The following AMPH variants were observed in gnomAD, a reference collection of about 807,000 sequenced individuals.
AMPH encodes the protein amphiphysin, also known as amphiphysin (Stiff-Mann syndrome with breast cancer 128kD autoantigen).
A neutral mutation model predicts 99.1 loss-of-function variants in AMPH; 49 were observed. The observed-to-expected ratio is 0.49, with a 90% CI of 0.39 to 0.63. AMPH has a LOEUF of 0.63. Ranked by LOEUF, AMPH falls within the 20% of genes least tolerant of loss-of-function variation. AMPH has a pLI of 0.00. For synonymous variants in AMPH, 314 were observed against 317.3 expected, an observed-to-expected ratio of 0.99 and a Z score of 0.11; for missense variants, 759 against 863.4, an observed-to-expected ratio of 0.88 and a Z score of 1.52.
chr7:38,617,029 A>G (rs1793896861), intron 1 of AMPH, among the ~76,000 whole-genome samples: 1 of 152,266 alleles, frequency 6.6e-6, no homozygotes, highest in Admixed American at 6.5e-5. Flanking sequence ...AGTATTTTAC[A>G]TAAAATTTTT....
chr7:38,546,062 G>C (rs1474831594), intron 1 of AMPH, among the ~76,000 whole-genome samples: 1 of 152,146 alleles, frequency 6.6e-6, no homozygotes, highest in Non-Finnish European at 1.5e-5. Context: ...AGTTCAGTTT[G>C]TCCACGTGGT....
intron 1 of AMPH, among the ~76,000 whole-genome samples, chr7:38,551,202 G>A (rs545920794): frequency 5.3e-5 from 8 of 152,176 alleles, no homozygotes; most frequent in South Asian, 2.1e-4. Context: ...GATTTCCTAC[G>A]ATGACTTTTT....
intron 5 of AMPH, among the ~76,000 whole-genome samples, chr7:38,479,071 T>A (rs1022907065): frequency 6.6e-6 from 1 of 151,800 alleles, no homozygotes; most frequent in East Asian, 1.9e-4. Flanking sequence ...TGGCTGAAAA[T>A]TTTTTTTAAA....
chr7:38,619,395 C>T (rs1793979721), intron 1 of AMPH, among the ~76,000 whole-genome samples: 2 of 152,150 alleles, frequency 1.3e-5, no homozygotes, highest in South Asian at 4.1e-4. Context: ...CACTAAAATA[C>T]ATGAAGGATA....
chr7:38,494,372 A>C (rs3735089), intron 4 of AMPH, 61 bp downstream of exon 4: 157,917 of 1,381,294 alleles, frequency 0.11, 10,052 homozygotes, highest in Middle Eastern at 0.2. Flanking sequence ...AGAGCAAGTC[A>C]GGGGACAGGT....
intron 2 of AMPH, among the ~76,000 whole-genome samples, chr7:38,512,609 C>T (rs533348697): frequency 3.9e-5 from 6 of 152,122 alleles, no homozygotes; most frequent in Non-Finnish European, 8.8e-5. Context: ...CAGAATAGGA[C>T]AGATAAAAGG....
At chr7:38,597,491 C>G (rs1793101724) in intron 1 of AMPH, among the ~76,000 whole-genome samples, 1 of 152,116 alleles carries the variant, frequency 6.6e-6, no homozygotes, top group African/African-American at 2.4e-5. Flanking sequence ...TATTTTAATT[C>G]AAGAGATATG....
intron 1 of AMPH, among the ~76,000 whole-genome samples, chr7:38,584,295 T>C (rs1230787885): frequency 6.6e-6 from 1 of 152,134 alleles, no homozygotes; most frequent in Non-Finnish European, 1.5e-5. Context: ...TCTTATACAT[T>C]TCCTACCCAC....
chr7:38,394,739 G>A (rs1363076939), intron 17 of AMPH, among the ~76,000 whole-genome samples: 3 of 152,156 alleles, frequency 2.0e-5, no homozygotes, highest in Admixed American at 2.0e-4. Context: ...CAGAACTACA[G>A]AGCATGAGAT....
chr7:38,413,806 T>C (rs992426168), intron 17 of AMPH, among the ~76,000 whole-genome samples: 1 of 152,224 alleles, frequency 6.6e-6, no homozygotes, highest in Non-Finnish European at 1.5e-5. Context: ...AATTCAAGCT[T>C]CCTGGCTTCC....
rs1441112714 is a variant in AMPH, at chr7:38,587,953, CGTGT to C, written c.69+43326_69+43329del. 3.6e-5 allele frequency among the ~76,000 whole-genome samples: 5 copies of C among 139,308 alleles called. No homozygotes were observed. The East Asian group carries it at 1.0e-3, about 28-fold the overall frequency. The allele number at this position is 139,308 out of a possible 152,430, so 91.4% of individuals were successfully genotyped here. The stretch of plus-strand genomic sequence containing the variant: ...GTGTGTGTGTGTGTGTGTGTGTGCG[CGTGT>C]GTGTGTGAGAGAGAGATAGGGTCTT... On this transcript the variant is annotated intron_variant, in intron 1 of 20. Coordinates refer to ENST00000356264, the MANE Select transcript of AMPH (RefSeq NM_001635.4).
At chr7:38,610,321 GA>G (rs11317504) in intron 1 of AMPH, among the ~76,000 whole-genome samples, 25 of 25,702 alleles carry the variant, frequency 9.7e-4, no homozygotes, top group African/African-American at 3.0e-3. Context: ...GAAAAGAAAA[GA>G]AAAGAAAAGA....
At position 38,598,099 on chromosome 7, in the gene AMPH, A is replaced by T. The variant is rs576355642; in HGVS notation, c.69+33184T>A. ...ATTGAATGATTCTTACATACCTTTG[A>T]CTTTATGTTTTAACTTTCCATAATT... On this transcript the variant is annotated intron_variant, in intron 1 of 20. Coordinates refer to ENST00000356264, the MANE Select transcript of AMPH (RefSeq NM_001635.4). Among the ~76,000 whole-genome samples the T allele has an allele frequency of 3.0e-4, 46 of 152,226 alleles. 1 individual carries two copies. The South Asian group carries it at 9.3e-3, about 31-fold the overall frequency.
chr7:38,531,341 C>G, intron 2 of AMPH: 1 of 152,282 alleles, frequency 6.6e-6, no homozygotes, highest in Non-Finnish European at 1.5e-5. Flanking sequence ...GCACCAGGCT[C>G]TCCTTGTTTT....
chr7:38,591,017 C>T (rs938696400), intron 1 of AMPH, among the ~76,000 whole-genome samples: 2 of 152,152 alleles, frequency 1.3e-5, no homozygotes, highest in African/African-American at 4.8e-5. Context: ...GCAGTATAGC[C>T]TTAAAAGTTC....
At chr7:38,612,485 T>C (rs181557446) in intron 1 of AMPH, among the ~76,000 whole-genome samples, 117 of 152,270 alleles carry the variant, frequency 7.7e-4, no homozygotes, top group African/African-American at 1.3e-3. Context: ...CTTACCCACA[T>C]AACACAGTCC....
intron 20 of AMPH, 40 bp from the exon 21 acceptor site, chr7:38,384,965 A>AGTTTG: frequency 6.4e-7 from 1 of 1,551,990 alleles, no homozygotes. Context: ...CCAGCAAACT[A>AGTTTG]CTGGAAAATC....
At chr7:38,444,833 A>G (rs1030776851) in intron 11 of AMPH, among the ~76,000 whole-genome samples, 10 of 152,100 alleles carry the variant, frequency 6.6e-5, no homozygotes, top group Admixed American at 3.9e-4. Context: ...TAGCCAAAAC[A>G]ACTCTGAAAA....
chr7:38,619,707 A>G, intron 1 of AMPH, among the ~76,000 whole-genome samples: 1 of 152,218 alleles, frequency 6.6e-6, no homozygotes, highest in East Asian at 1.9e-4. Flanking sequence ...TTCACTGTCT[A>G]TGCTTAACAG....
Sources: allele counts gnomAD v4.1 joint callset (sites outside exome capture counted in the v4.1 genomes callset), GRCh38; gene constraint gnomAD v4.1.1; transcripts MANE v1.5; gene names NCBI Gene and HGNC (gene_info 2026-07-23, HGNC 2026-07-21).